The following FYN variants were observed in gnomAD, a reference collection of about 807,000 sequenced individuals.
The protein encoded by FYN is tyrosine-protein kinase Fyn.
Under a neutral mutation model 70.2 loss-of-function variants are expected in FYN, and 10 were observed. The ratio of observed to expected loss-of-function variants is 0.14; its 90% CI spans 0.09 to 0.24. The LOEUF is 0.24. Among genes scored for constraint, FYN ranks in the 10% least tolerant of loss-of-function variants. FYN has a pLI of 1.00. For missense variants in FYN, 319 were observed against 673.1 expected (o/e 0.47, Z 5.82); for synonymous variants, 236 against 248.6 (o/e 0.95, Z 0.48).
chr6:111,772,392 C>T (rs1306187446), intron 3 of FYN, among the ~76,000 whole-genome samples: 1 of 152,110 alleles, frequency 6.6e-6, no homozygotes, highest in African/African-American at 2.4e-5. Context: ...TTACTCAAGC[C>T]ACTGGATGAA....
intron 12 of FYN, among the ~76,000 whole-genome samples, chr6:111,691,470 AC>A (rs1441011907): frequency 7.4e-4 from 112 of 152,320 alleles, no homozygotes; most frequent in Non-Finnish European, 1.8e-4. Context: ...ATAAAACCCG[AC>A]TTGCAAATAT....
intron 1 of FYN, among the ~76,000 whole-genome samples, chr6:111,857,717 A>T (rs140528283): frequency 6.6e-6 from 1 of 152,292 alleles, no homozygotes; most frequent in South Asian, 2.1e-4. Flanking sequence ...AATCTTACTC[A>T]TTACAGGTAA....
At chr6:111,831,147 A>G (rs1397551071) in intron 2 of FYN, among the ~76,000 whole-genome samples, 1 of 152,166 alleles carries the variant, frequency 6.6e-6, no homozygotes, top group African/African-American at 2.4e-5. Context: ...GCCCCCAAAT[A>G]GTGATTTTGT....
intron 3 of FYN, among the ~76,000 whole-genome samples, chr6:111,737,058 T>C (rs1450582534): frequency 1.3e-5 from 2 of 152,244 alleles, no homozygotes; most frequent in African/African-American, 4.8e-5. Context: ...CTTGTCACTA[T>C]TTGTTTTGTG....
intron 10 of FYN, 53 bp downstream of exon 10, chr6:111,696,224 T>TAA: frequency 2.8e-6 from 4 of 1,438,322 alleles, no homozygotes; most frequent in Non-Finnish European, 3.7e-6. Context: ...TTCTCTCCCC[T>TAA]AAACAACCCC....
intron 3 of FYN, among the ~76,000 whole-genome samples, chr6:111,742,893 G>A (rs578190628): frequency 6.6e-6 from 1 of 151,968 alleles, no homozygotes; most frequent in African/African-American, 2.4e-5. Context: ...TTTGTCCTAC[G>A]TTTTGGTCAC....
chr6:111,841,284 T>C lies in FYN; in HGVS notation c.-82+5305A>G, dbSNP rs370422642. Among the ~76,000 whole-genome samples the C allele has an allele frequency of 5.6e-4, 85 of 152,294 alleles. 1 individual carries two copies. The highest frequency in any genetic ancestry group is 1.9e-3 in the African/African-American group (81 of 41,552). On this transcript the variant is annotated intron_variant, in intron 2 of 13. Transcript: ENST00000354650. ...TTCAAGGTTTCCAATTGTTCCTTGA[T>C]AAAAACATCATTACTACTTTTAAAA... is the stretch of plus-strand genomic sequence containing the variant.
rs114831235 is a variant in FYN, at chr6:111,792,707, C to T, written c.-81-12072G>A. Among the ~76,000 whole-genome samples the T allele has an allele frequency of 2.0e-3, 311 of 152,314 alleles. 2 individuals are homozygous for T. The highest frequency in any genetic ancestry group is 7.2e-3 in the African/African-American group (301 of 41,570). On this transcript the variant is annotated intron_variant, in intron 2 of 13. Transcript: ENST00000354650. ...GTTATTCTATTGACACAAGACAGTG[C>T]AAACTGGGGGACATCCAGGCTGTCC...
intron 12 of FYN, among the ~76,000 whole-genome samples, chr6:111,691,316 G>A (rs76629226): frequency 0.035 from 5,314 of 152,206 alleles, 153 homozygotes; most frequent in East Asian, 0.13. Context: ...AGATATTTCC[G>A]TGCACGCTGA....
intron 3 of FYN, among the ~76,000 whole-genome samples, chr6:111,780,100 C>G (rs1312552810): frequency 6.6e-6 from 1 of 152,148 alleles, no homozygotes; most frequent in East Asian, 1.9e-4. Context: ...CACTGTTATG[C>G]TGGTCTGTGG....
intron 3 of FYN, among the ~76,000 whole-genome samples, chr6:111,727,725 G>A (rs1801255276): frequency 6.6e-6 from 1 of 152,212 alleles, no homozygotes; most frequent in African/African-American, 2.4e-5. Context: ...GGAGGGGGAA[G>A]AGGATCAACC....
intron 3 of FYN, among the ~76,000 whole-genome samples, chr6:111,774,816 T>G (rs955170303): frequency 6.6e-6 from 1 of 152,068 alleles, no homozygotes; most frequent in Non-Finnish European, 1.5e-5. Flanking sequence ...CCTCCCAGGT[T>G]CAAGTGACTC....
intron 1 of FYN, among the ~76,000 whole-genome samples, chr6:111,869,453 T>A (rs1774208453): frequency 6.6e-6 from 1 of 152,254 alleles, no homozygotes; most frequent in African/African-American, 2.4e-5. Flanking sequence ...TACAGTGGTA[T>A]GACCTCAGCT....
At chr6:111,755,047 T>C (rs1048745482) in intron 3 of FYN, among the ~76,000 whole-genome samples, 1 of 151,854 alleles carries the variant, frequency 6.6e-6, no homozygotes, top group African/African-American at 2.4e-5. Flanking sequence ...ATAATGAGAA[T>C]GTCCCAAAGA....
chr6:111,725,110 A>G (rs966398695), intron 3 of FYN, among the ~76,000 whole-genome samples: 13 of 152,228 alleles, frequency 8.5e-5, no homozygotes, highest in African/African-American at 2.9e-4. Flanking sequence ...ATTTGACTTC[A>G]GGATAGAAGA....
intron 2 of FYN, among the ~76,000 whole-genome samples, chr6:111,804,904 C>T (rs1772101282): frequency 6.6e-6 from 1 of 152,196 alleles, no homozygotes; most frequent in African/African-American, 2.4e-5. Context: ...TGAGTCACCA[C>T]ATCACTTCCT....
At chr6:111,664,359 C>A (rs892265698) in intron 13 of FYN, among the ~76,000 whole-genome samples, 7 of 152,116 alleles carry the variant, frequency 4.6e-5, no homozygotes, top group African/African-American at 1.7e-4. Flanking sequence ...GAGTGCCTCC[C>A]TCCAAAATGG....
intron 12 of FYN, among the ~76,000 whole-genome samples, chr6:111,675,726 G>A (rs1562464419): frequency 6.6e-6 from 1 of 152,008 alleles, no homozygotes; most frequent in Non-Finnish European, 1.5e-5. Flanking sequence ...CCAGGAGGCA[G>A]AGGTTGCAGT....
intron 1 of FYN, among the ~76,000 whole-genome samples, chr6:111,869,964 G>A (rs1032928863): frequency 6.0e-4 from 92 of 152,208 alleles, no homozygotes; most frequent in African/African-American, 2.0e-3. Context: ...AAGCAATGAC[G>A]GGTGTCCGCT....
Sources: gnomAD v4.1 joint callset for allele counts (sites outside exome capture counted in the v4.1 genomes callset) on GRCh38, gnomAD v4.1.1 for gene constraint, MANE v1.5 for transcripts, NCBI Gene and HGNC (gene_info 2026-07-23, HGNC 2026-07-21) for gene names.